The following IL31RA variants were observed in gnomAD, a reference collection of about 807,000 sequenced individuals.
IL31RA encodes the protein interleukin-31 receptor subunit alpha.
IL31RA carries 66 observed loss-of-function variants against 83.7 expected under a neutral mutation model. The observed-to-expected ratio is 0.79, with a 90% CI of 0.65 to 0.97. The LOEUF is 0.97. IL31RA is among the 50% of genes least tolerant of loss of function. IL31RA has a pLI of 0.00. For missense variants in IL31RA, 798 were observed against 919.4 expected (o/e 0.87, Z 1.71); for synonymous variants, 325 against 329.0 (o/e 0.99, Z 0.13).
the IL31RA span, among the ~76,000 whole-genome samples, chr5:55,844,757 C>T: frequency 6.6e-6 from 1 of 152,134 alleles, no homozygotes; most frequent in Non-Finnish European, 1.5e-5. Context: ...TATGTTACAC[C>T]TTTGCAGTTG....
At chr5:55,853,388 A>G in intron 1 of IL31RA, 1 of 1,385,340 alleles carries the variant, frequency 7.2e-7, no homozygotes, top group Non-Finnish European at 9.4e-7. Flanking sequence ...GGCTGGGCTT[A>G]AAAGCACAAG....
intron 11 of IL31RA, among the ~76,000 whole-genome samples, chr5:55,909,829 C>T (rs1400948047): frequency 1.3e-5 from 2 of 152,118 alleles, no homozygotes; most frequent in Non-Finnish European, 2.9e-5. Flanking sequence ...CTCAGCCTCC[C>T]AAGTAGCTGG....
intron 5 of IL31RA, among the ~76,000 whole-genome samples, chr5:55,889,124 A>G (rs1274516265): frequency 6.6e-6 from 1 of 152,182 alleles, no homozygotes; most frequent in African/African-American, 2.4e-5. Context: ...TATAAACTTT[A>G]GGTTTATAAA....
At chr5:55,854,008 A>G (rs1214091465) in intron 1 of IL31RA, among the ~76,000 whole-genome samples, 1 of 152,238 alleles carries the variant, frequency 6.6e-6, no homozygotes, top group Non-Finnish European at 1.5e-5. Flanking sequence ...TATGCTGCTT[A>G]CAAACTATTA....
At chr5:55,853,623 A>G in intron 1 of IL31RA, 1 of 1,533,824 alleles carries the variant, frequency 6.5e-7, no homozygotes, top group Non-Finnish European at 8.8e-7. Flanking sequence ...TCTACTTTAT[A>G]AAAGTCTTTT....
At chr5:55,840,888 G>A in the IL31RA span, among the ~76,000 whole-genome samples, 1 of 152,084 alleles carries the variant, frequency 6.6e-6, no homozygotes, top group South Asian at 2.1e-4. Context: ...TCCTTGATGA[G>A]CCCACTGACT....
intron 2 of IL31RA, among the ~76,000 whole-genome samples, chr5:55,862,595 G>C (rs1745753485): frequency 6.6e-6 from 1 of 152,164 alleles, no homozygotes; most frequent in Non-Finnish European, 1.5e-5. Flanking sequence ...TTTTAGTAGA[G>C]ATGGGGTTTC....
chr5:55,910,330 C>T (rs34820781), intron 11 of IL31RA, among the ~76,000 whole-genome samples: 2,118 of 152,262 alleles, frequency 0.014, 87 homozygotes, highest in Admixed American at 0.086. Context: ...CCTATGCTGT[C>T]TTCTAAGAAT....
chr5:55,865,290 T>C (rs1745980950), intron 2 of IL31RA, among the ~76,000 whole-genome samples: 1 of 152,212 alleles, frequency 6.6e-6, no homozygotes, highest in African/African-American at 2.4e-5. Flanking sequence ...GTAGCAAAGA[T>C]AGAAAGCCTT....
At chr5:55,907,312 C>T (rs1476338978) in intron 9 of IL31RA, 47 bp from the exon 10 acceptor site, 2 of 1,147,666 alleles carry the variant, frequency 1.7e-6, no homozygotes, top group Admixed American at 3.4e-5. Context: ...ATTCCCCCCA[C>T]TCTGCCGTGC....
intron 2 of IL31RA, chr5:55,866,877 G>C (rs942753452): frequency 3.3e-5 from 5 of 151,886 alleles, no homozygotes; most frequent in African/African-American, 1.2e-4. Context: ...CCTACTTCTT[G>C]TCTGGTAGAG....
Position 55,910,537 on chromosome 5 carries a change from A to G in IL31RA, c.1507A>G (p.Thr503Ala). The G allele has an allele frequency of 6.2e-7, 1 of 1,614,132 alleles. No homozygotes were observed. The highest frequency in any genetic ancestry group is 8.5e-7 in the Non-Finnish European group (1 of 1,180,030). The change falls in exon 12 of 15, where the codon ACA becomes GCA. Residue 503 changes from threonine to alanine, a missense_variant. Transcript: ENST00000652347. ...QAEGGKGFSK[T>A]VNSSILQYGL... is the part of the protein sequence containing the mutation. ...CCTTTGTATTTTTCCTTTAGCCAAG[A>G]CAGTCAATTCCAGCATCTTGCAGTA...
upstream of IL31RA, among the ~76,000 whole-genome samples, chr5:55,847,719 C>G (rs1744970174): frequency 6.6e-6 from 1 of 152,168 alleles, no homozygotes; most frequent in Non-Finnish European, 1.5e-5. Flanking sequence ...TACTATTAGC[C>G]AAACTCTAGG....
rs1478905487 is a variant in IL31RA, at chr5:55,919,036, C to T, written c.*1916C>T. On this transcript the variant is annotated 3_prime_UTR_variant, in exon 15 of 15. Coordinates refer to ENST00000652347, the MANE Select transcript of IL31RA (RefSeq NM_139017.7). The stretch of plus-strand genomic sequence containing the variant: ...TCCCTGCTCTCCCTGTTCTCCACCC[C>T]TTCTATGGTGTGGGCTCTTCTGTGA... Among the ~76,000 whole-genome samples the T allele has an allele frequency of 6.6e-6, 1 of 152,186 alleles. No individual in the cohort carries two copies. Among genetic ancestry groups the T allele is most frequent in the East Asian group, 1.9e-4 (1 of 5,190 alleles).
chr5:55,854,141 G>A (rs2112270883), intron 1 of IL31RA, among the ~76,000 whole-genome samples: 1 of 152,274 alleles, frequency 6.6e-6, no homozygotes, highest in East Asian at 1.9e-4. Flanking sequence ...AGTGTAGTTA[G>A]CACTTTGCAG....
At chr5:55,887,506 G>A (rs1157383531) in intron 5 of IL31RA, among the ~76,000 whole-genome samples, 6 of 152,162 alleles carry the variant, frequency 3.9e-5, no homozygotes, top group Non-Finnish European at 7.4e-5. Context: ...TTGGGAGGCC[G>A]AGGTGGGTGG....
rs982678020 is a variant in IL31RA, at chr5:55,872,351, A to G, written c.354A>G (p.Pro118=). The G allele has an allele frequency of 6.2e-7, 1 of 1,612,350 alleles. No individual in the cohort carries two copies. Reference sequence around the variant, plus strand: ...GTGCTTCGTGCTCTTTTTTCCTTCCAAGAATAACGATCCCAGATAATTATA... The same window carrying G: ...GTGCTTCGTGCTCTTTTTTCCTTCCGAGAATAACGATCCCAGATAATTATA... ...ENRASCSFFL[P]RITIPDNYTI... Residue 118 remains proline (P), a synonymous_variant, in exon 4 of 15, where the codon CCA becomes CCG. Coordinates refer to ENST00000652347, the MANE Select transcript of IL31RA (RefSeq NM_139017.7).
intron 1 of IL31RA, among the ~76,000 whole-genome samples, chr5:55,856,612 C>T (rs892897812): frequency 2.0e-5 from 3 of 152,158 alleles, no homozygotes; most frequent in South Asian, 4.1e-4. Flanking sequence ...TTGTTCAGGG[C>T]CTTCTTCCGT....
upstream of IL31RA, among the ~76,000 whole-genome samples, chr5:55,848,555 A>G (rs1332002875): frequency 1.3e-5 from 2 of 152,146 alleles, no homozygotes; most frequent in Non-Finnish European, 2.9e-5. Context: ...CCTTTTCTCC[A>G]AAAAGCTCTG....
Sources: gnomAD v4.1 joint callset for allele counts (sites outside exome capture counted in the v4.1 genomes callset) on GRCh38, gnomAD v4.1.1 for gene constraint, MANE v1.5 for transcripts, NCBI Gene and HGNC (gene_info 2026-07-23, HGNC 2026-07-21) for gene names.